The following GPC3 variants were observed in gnomAD, a reference collection of about 807,000 sequenced individuals.
GPC3 encodes glypican-3.
GPC3 carries 3 observed loss-of-function variants against 34.4 expected under a neutral mutation model. The ratio of observed to expected loss-of-function variants is 0.09; its 90% confidence interval spans 0.04 to 0.23. The LOEUF is 0.23. Ranked by LOEUF, GPC3 falls within the 10% of genes least tolerant of loss-of-function variation. The pLI, the probability that GPC3 is intolerant of heterozygous loss-of-function variation, is 1.00. For missense variants in GPC3, 351 were observed against 445.6 expected (o/e 0.79, Z 1.91); for synonymous variants, 177 against 174.0 (o/e 1.02, Z -0.13).
intron 1 of GPC3, among the ~76,000 whole-genome samples, chrX:133,976,716 G>C (rs1890345026): frequency 9.1e-6 from 1 of 109,868 alleles, no homozygotes; most frequent in Non-Finnish European, 1.9e-5. Context: ...TCAGGAGTTC[G>C]AGACCAGCCT....
intron 6 of GPC3, among the ~76,000 whole-genome samples, chrX:133,615,761 AAAAG>A (rs1379187582): frequency 4.5e-5 from 5 of 110,177 alleles, no homozygotes; most frequent in Admixed American, 2.9e-4. Flanking sequence ...AATACAAAAA[AAAAG>A]AAAGAAAATG....
intron 2 of GPC3, among the ~76,000 whole-genome samples, chrX:133,832,555 G>A (rs980802055): frequency 9.0e-6 from 1 of 110,567 alleles, no homozygotes; most frequent in Non-Finnish European, 1.9e-5. Flanking sequence ...AAGAGAAAGG[G>A]AAAGATCTAC....
chrX:133,858,445 C>G (rs2124565038), intron 2 of GPC3, among the ~76,000 whole-genome samples: 1 of 112,016 alleles, frequency 8.9e-6, no homozygotes, highest in African/African-American at 3.2e-5. Flanking sequence ...TGCCTTCACC[C>G]TGCCCTGGCA....
intron 7 of GPC3, among the ~76,000 whole-genome samples, chrX:133,593,157 G>C (rs1275728678): frequency 9.3e-6 from 1 of 107,961 alleles, no homozygotes; most frequent in East Asian, 2.9e-4. Context: ...GCAAAACCCT[G>C]TCTCTACTAA....
chrX:133,684,774 C>T (rs991684685), intron 5 of GPC3, among the ~76,000 whole-genome samples: 8 of 111,051 alleles, frequency 7.2e-5, no homozygotes, highest in Non-Finnish European at 1.3e-4. Context: ...AGCATGGAAG[C>T]GATGTATAGC....
chrX:133,632,930 T>C (rs1254631876), intron 6 of GPC3, among the ~76,000 whole-genome samples: 2 of 111,150 alleles, frequency 1.8e-5, no homozygotes, highest in Non-Finnish European at 3.8e-5. Flanking sequence ...TGAGGCAGTA[T>C]GTGAATTTTC....
At position 133,878,199 on chromosome X, in the gene GPC3, G is replaced by A. The variant is rs189881846; in HGVS notation, c.337+74851C>T. 8.5e-3 allele frequency among the ~76,000 whole-genome samples: 942 copies of A among 111,464 alleles called. 18 individuals carry two copies. Among genetic ancestry groups the A allele is most frequent in the African/African-American group, 0.029 (902 of 30,674 alleles). ...TCCCAGCACTTTGGGAGGCTGAGGC[G>A]GGTGGATTACCTGAGGTCAGGAGGT... On this transcript the variant is annotated intron_variant, in intron 2 of 7. Coordinates refer to ENST00000370818, the MANE Select transcript of GPC3 (RefSeq NM_004484.4).
chrX:133,595,830 T>C (rs1387622769), intron 7 of GPC3, among the ~76,000 whole-genome samples: 4 of 111,713 alleles, frequency 3.6e-5, no homozygotes, highest in Non-Finnish European at 7.5e-5. Context: ...TGTCTTTATG[T>C]AGGTCTTCAG....
chrX:133,592,957 C>A (rs1429544833), intron 7 of GPC3, among the ~76,000 whole-genome samples: 1 of 111,114 alleles, frequency 9.0e-6, no homozygotes, highest in Non-Finnish European at 1.9e-5. Flanking sequence ...CTTTTCACTG[C>A]ATCACACTTG....
intron 6 of GPC3, among the ~76,000 whole-genome samples, chrX:133,640,276 T>C (rs1180303644): frequency 2.7e-5 from 3 of 111,878 alleles, no homozygotes; most frequent in African/African-American, 9.8e-5. Flanking sequence ...CAGACAGAAT[T>C]ACCTGCTGCT....
intron 3 of GPC3, among the ~76,000 whole-genome samples, chrX:133,743,350 T>TA (rs763394935): frequency 8.9e-5 from 10 of 112,977 alleles, no homozygotes; most frequent in African/African-American, 3.2e-4. Context: ...GCAACTTCAT[T>TA]AAAAAATGCT....
intron 6 of GPC3, among the ~76,000 whole-genome samples, chrX:133,648,475 A>T (rs141885529): frequency 9.0e-6 from 1 of 111,363 alleles, no homozygotes; most frequent in South Asian, 3.9e-4. Flanking sequence ...TGTAAATGCT[A>T]TCACTTAACT....
chrX:133,848,889 T>G (rs1459154658), intron 2 of GPC3, among the ~76,000 whole-genome samples: 1 of 109,602 alleles, frequency 9.1e-6, no homozygotes, highest in East Asian at 2.8e-4. Context: ...AGTAAGGGGG[T>G]TGTGAGTACA....
chrX:133,594,386 A>G (rs933219093), intron 7 of GPC3, among the ~76,000 whole-genome samples: 34 of 111,734 alleles, frequency 3.0e-4, no homozygotes, highest in African/African-American at 9.8e-4. Context: ...GACTTTATGT[A>G]AGTTATTTCC....
chrX:133,854,436 G>A (rs2075890478), intron 2 of GPC3, among the ~76,000 whole-genome samples: 1 of 111,799 alleles, frequency 8.9e-6, no homozygotes, highest in Non-Finnish European at 1.9e-5. Flanking sequence ...ATAGGCTGGG[G>A]GTTATGGGGG....
rs148647881 is a variant in GPC3 at position 133,603,421 on chromosome X, C to T, written c.1414-6822G>A. Among the ~76,000 whole-genome samples the T allele has an allele frequency of 1.8e-3, 200 of 111,353 alleles. 1 individual carries two copies. Among genetic ancestry groups the T allele is most frequent in the African/African-American group, 6.3e-3 (192 of 30,707 alleles). On this transcript the variant is annotated intron_variant, in intron 6 of 7. Coordinates refer to ENST00000370818, the MANE Select transcript of GPC3 (RefSeq NM_004484.4). ...ACTCCTTACTCTTTCAGAAAGGCTGCTCCAATGTTACTCTGCTTCCCAGAA... is the reference window on the plus strand; with the variant it reads ...ACTCCTTACTCTTTCAGAAAGGCTGTTCCAATGTTACTCTGCTTCCCAGAA...
intron 1 of GPC3, among the ~76,000 whole-genome samples, chrX:133,961,684 A>G (rs1428715848): frequency 8.9e-6 from 1 of 112,120 alleles, no homozygotes; most frequent in African/African-American, 3.2e-5. Flanking sequence ...GAGTTCATGA[A>G]TTGGTATAGA....
chrX:133,645,261 C>T (rs927835242), intron 6 of GPC3, among the ~76,000 whole-genome samples: 7 of 111,379 alleles, frequency 6.3e-5, no homozygotes, highest in Non-Finnish European at 1.1e-4. Flanking sequence ...GAGGGGCAGG[C>T]GGGCCTCTCA....
intron 2 of GPC3, among the ~76,000 whole-genome samples, chrX:133,909,778 G>A (rs977620737): frequency 8.1e-5 from 9 of 110,947 alleles, no homozygotes; most frequent in African/African-American, 2.9e-4. Context: ...TTTTTTCATG[G>A]GGTTTTACAG....
Sources: allele counts gnomAD v4.1 joint callset (sites outside exome capture counted in the v4.1 genomes callset), GRCh38; gene constraint gnomAD v4.1.1; transcripts MANE v1.5; gene names NCBI Gene and HGNC (gene_info 2026-07-23, HGNC 2026-07-21).